Variants in DLG2 observed in about 807,000 individuals in gnomAD.
DLG2 encodes the protein discs large MAGUK scaffold protein 2.
A neutral mutation model predicts 132.5 loss-of-function variants in DLG2; 45 were observed. The observed-to-expected ratio is 0.34, with a 90% CI of 0.27 to 0.44. The LOEUF (loss-of-function observed/expected upper bound fraction) is 0.44. Ranked by LOEUF, DLG2 falls within the 20% of genes least tolerant of loss-of-function variation. The pLI is 1.00. For synonymous variants in DLG2, 424 were observed against 419.6 expected (o/e 1.01, Z -0.13); for missense variants, 1,045 against 1,196.9 (o/e 0.87, Z 1.87).
chr11:85,165,780 T>C (rs1463088466), intron 4 of DLG2, among the ~76,000 whole-genome samples: 1 of 152,178 alleles, frequency 6.6e-6, no homozygotes, highest in East Asian at 1.9e-4. Flanking sequence ...CCAAACAAAA[T>C]ATAAACCTGC....
At chr11:85,148,731 T>A (rs151114643) in intron 5 of DLG2, among the ~76,000 whole-genome samples, 1 of 152,252 alleles carries the variant, frequency 6.6e-6, no homozygotes, top group Non-Finnish European at 1.5e-5. Flanking sequence ...TTTCCTTTGC[T>A]GTGCAGAAGC....
intron 3 of DLG2, among the ~76,000 whole-genome samples, chr11:85,588,006 G>A (rs2079076940): frequency 6.6e-6 from 1 of 152,140 alleles, no homozygotes; most frequent in Non-Finnish European, 1.5e-5. Flanking sequence ...CTGTGTTTGA[G>A]GAGGCTAAGG....
chr11:83,507,963 T>G (rs10792686), intron 21 of DLG2, among the ~76,000 whole-genome samples: 93,048 of 150,684 alleles, frequency 0.62, 29,296 homozygotes, highest in African/African-American at 0.73. Context: ...AAAGATGTAG[T>G]CTGGGAGGTT....
At chr11:83,982,538 T>A (rs1253191764) in intron 11 of DLG2, among the ~76,000 whole-genome samples, 4 of 150,698 alleles carry the variant, frequency 2.7e-5, no homozygotes, top group East Asian at 3.9e-4. Context: ...AAGAAAATAC[T>A]TTGTATAGCT....
chr11:85,610,911 G>A (rs1472913743), intron 2 of DLG2, among the ~76,000 whole-genome samples: 17 of 152,200 alleles, frequency 1.1e-4, no homozygotes, highest in Admixed American at 7.2e-4. Flanking sequence ...CGGATACAGC[G>A]AGATGGCCAG....
At chr11:83,974,808 T>C (rs35990771) in intron 12 of DLG2, among the ~76,000 whole-genome samples, 6,467 of 152,182 alleles carry the variant, frequency 0.042, 195 homozygotes, top group Non-Finnish European at 0.067. Context: ...TGCCTGTGAC[T>C]GAAATCCAGC....
intron 10 of DLG2, among the ~76,000 whole-genome samples, chr11:84,098,616 G>A (rs536255560): frequency 1.2e-4 from 19 of 152,142 alleles, no homozygotes; most frequent in Non-Finnish European, 1.8e-4. Flanking sequence ...TTATTTGCCC[G>A]TTAGTTCATA....
rs372209043 is a variant in DLG2 at position 84,707,225 on chromosome 11, A to G, written c.358-172494T>C. Among the ~76,000 whole-genome samples the G allele has an allele frequency of 8.6e-5, 13 of 151,902 alleles. No individual in the cohort carries two copies. In the East Asian group the frequency reaches 2.5e-3, roughly 30 times the overall value. On this transcript the variant is annotated intron_variant, in intron 6 of 27. Coordinates refer to ENST00000376104, the MANE Select transcript of DLG2 (RefSeq NM_001142699.3). ...TGATTAATCTGAGATCAAATCTATA[A>G]GTGATTTTTATCTGCCTCCCCAGAA...
chr11:83,843,105 T>A (rs1357688474), intron 16 of DLG2, among the ~76,000 whole-genome samples: 1 of 152,210 alleles, frequency 6.6e-6, no homozygotes, highest in Non-Finnish European at 1.5e-5. Context: ...TACATAGGCA[T>A]TCAAAGCTTC....
At chr11:84,497,779 G>A (rs983639447) in intron 7 of DLG2, among the ~76,000 whole-genome samples, 2 of 152,132 alleles carry the variant, frequency 1.3e-5, no homozygotes, top group African/African-American at 4.8e-5. Flanking sequence ...ACATTCACAT[G>A]CCGTTATACC....
intron 6 of DLG2, among the ~76,000 whole-genome samples, chr11:84,871,831 T>C (rs1461536143): frequency 2.0e-5 from 3 of 152,044 alleles, no homozygotes; most frequent in Non-Finnish European, 1.5e-5. Flanking sequence ...CAAGCGAGCA[T>C]GTGCGGCTAA....
intron 6 of DLG2, among the ~76,000 whole-genome samples, chr11:84,722,735 C>A (rs1426379584): frequency 6.6e-6 from 1 of 152,126 alleles, no homozygotes. Flanking sequence ...CAAAATTCAA[C>A]ACGGAAAGAC....
intron 6 of DLG2, among the ~76,000 whole-genome samples, chr11:84,991,052 T>C (rs2057040170): frequency 6.6e-6 from 1 of 152,130 alleles, no homozygotes; most frequent in African/African-American, 2.4e-5. Flanking sequence ...GAATGGACTA[T>C]CAGTACAATC....
intron 14 of DLG2, among the ~76,000 whole-genome samples, chr11:83,936,756 T>C (rs1185971174): frequency 6.6e-6 from 1 of 152,152 alleles, no homozygotes; most frequent in Non-Finnish European, 1.5e-5. Context: ...GGGTTGTAAA[T>C]GGGTTATGGA....
At chr11:83,918,382 C>T (rs2077271573) in intron 15 of DLG2, among the ~76,000 whole-genome samples, 1 of 152,162 alleles carries the variant, frequency 6.6e-6, no homozygotes, top group African/African-American at 2.4e-5. Context: ...CCAAGGCATT[C>T]ACTCACACCT....
intron 7 of DLG2, among the ~76,000 whole-genome samples, chr11:84,379,991 T>C (rs1432151255): frequency 6.6e-6 from 1 of 151,382 alleles, no homozygotes; most frequent in African/African-American, 2.4e-5. Context: ...CAACTAAATA[T>C]GGAGTAAGAT....
chr11:84,068,053 A>G lies in DLG2; in HGVS notation c.750-8569T>C, dbSNP rs751823360. On this transcript the variant is annotated intron_variant, in intron 10 of 27. Transcript: ENST00000376104. ...TGAAACCATGAGACTCAGAGGTTCT[A>G]TGTGACCAGAAGAAATAGAAACTTG... is the stretch of plus-strand genomic sequence containing the variant. 9.2e-5 allele frequency among the ~76,000 whole-genome samples: 14 copies of G among 152,320 alleles called. No individual in the cohort carries two copies. The South Asian group carries it at 1.2e-3, about 14-fold the overall frequency.
chr11:83,479,219 C>A (rs1197261622), intron 22 of DLG2, among the ~76,000 whole-genome samples: 1 of 152,032 alleles, frequency 6.6e-6, no homozygotes, highest in Non-Finnish European at 1.5e-5. Flanking sequence ...TCTGAGCCTA[C>A]CTCCATCTGC....
At chr11:83,641,503 A>G (rs1280169729) in intron 18 of DLG2, among the ~76,000 whole-genome samples, 1 of 152,182 alleles carries the variant, frequency 6.6e-6, no homozygotes, top group Non-Finnish European at 1.5e-5. Context: ...TATGCACAGA[A>G]GGGGCCCAGT....
Sources: gnomAD v4.1 joint callset for allele counts (sites outside exome capture counted in the v4.1 genomes callset) on GRCh38, gnomAD v4.1.1 for gene constraint, MANE v1.5 for transcripts, NCBI Gene and HGNC (gene_info 2026-07-23, HGNC 2026-07-21) for gene names.